The following NKAIN2 variants were observed in gnomAD, a reference collection of about 807,000 sequenced individuals.
NKAIN2 encodes sodium/potassium-transporting ATPase subunit beta-1-interacting protein 2.
Under a neutral mutation model 32.6 loss-of-function variants are expected in NKAIN2, and 14 were observed. The observed-to-expected ratio is 0.43, with a 90% CI of 0.28 to 0.67. The LOEUF (loss-of-function observed/expected upper bound fraction) is 0.67. Ranked by LOEUF, NKAIN2 falls within the 30% of genes least tolerant of loss-of-function variation. The pLI, the probability that NKAIN2 is intolerant of heterozygous loss-of-function variation, is 0.17. For missense variants in NKAIN2, 198 were observed against 258.3 expected (o/e 0.77, Z 1.60); for synonymous variants, 80 against 87.2 (o/e 0.92, Z 0.46).
intron 5 of NKAIN2, among the ~76,000 whole-genome samples, chr6:124,792,407 G>A (rs1779787057): frequency 6.6e-6 from 1 of 152,084 alleles, no homozygotes; most frequent in African/African-American, 2.4e-5. Context: ...AAAATCAGAA[G>A]TATACAGTAT....
At chr6:124,412,868 C>CAATGGCGG (rs1774271882) in intron 3 of NKAIN2, among the ~76,000 whole-genome samples, 1 of 152,166 alleles carries the variant, frequency 6.6e-6, no homozygotes, top group African/African-American at 2.4e-5. Context: ...CAAGCCTGGG[C>CAATGGCGG]AATGGCGGGC....
chr6:124,142,213 A>G (rs78843466), intron 1 of NKAIN2, among the ~76,000 whole-genome samples: 7,061 of 152,184 alleles, frequency 0.046, 253 homozygotes, highest in East Asian at 0.12. Context: ...TTAAACATCA[A>G]TCACCTCTTA....
chr6:124,731,516 A>C (rs1481720246), intron 4 of NKAIN2, among the ~76,000 whole-genome samples: 1 of 131,660 alleles, frequency 7.6e-6, no homozygotes, highest in East Asian at 2.4e-4. Flanking sequence ...CAATGAGATC[A>C]CATGGACACA....
At chr6:124,238,440 T>C (rs1378266787) in intron 1 of NKAIN2, among the ~76,000 whole-genome samples, 1 of 152,098 alleles carries the variant, frequency 6.6e-6, no homozygotes, top group Non-Finnish European at 1.5e-5. Context: ...ATACACTATT[T>C]TTGAAATGTT....
At chr6:124,616,392 T>G (rs986791978) in intron 3 of NKAIN2, among the ~76,000 whole-genome samples, 1 of 148,684 alleles carries the variant, frequency 6.7e-6, no homozygotes, top group African/African-American at 2.5e-5. Flanking sequence ...ATACTACTTT[T>G]GTTTTGTTCT....
chr6:124,591,446 T>C (rs1476766912), intron 3 of NKAIN2, among the ~76,000 whole-genome samples: 2 of 152,012 alleles, frequency 1.3e-5, no homozygotes, highest in African/African-American at 4.8e-5. Flanking sequence ...TTCAAACCAG[T>C]ATGTTCTTTT....
intron 1 of NKAIN2, among the ~76,000 whole-genome samples, chr6:124,056,307 A>G (rs1453604022): frequency 6.6e-6 from 1 of 151,730 alleles, no homozygotes; most frequent in Non-Finnish European, 1.5e-5. Flanking sequence ...TAATAAAGCT[A>G]TATATCTTGC....
At chr6:123,926,229 G>T (rs1050425508) in intron 1 of NKAIN2, among the ~76,000 whole-genome samples, 2 of 152,162 alleles carry the variant, frequency 1.3e-5, no homozygotes, top group African/African-American at 4.8e-5. Context: ...TTTTTGCTCT[G>T]TTCTTCTCAG....
At chr6:123,845,691 T>C (rs144361560) in intron 1 of NKAIN2, among the ~76,000 whole-genome samples, 1 of 152,362 alleles carries the variant, frequency 6.6e-6, no homozygotes, top group East Asian at 1.9e-4. Context: ...GGTCCGACTG[T>C]AGGACTTCAG....
intron 1 of NKAIN2, among the ~76,000 whole-genome samples, chr6:124,017,188 C>G (rs576178016): frequency 8.5e-5 from 13 of 152,226 alleles, no homozygotes; most frequent in African/African-American, 2.9e-4. Context: ...TTTATAAAAT[C>G]ATTAGATCTA....
chr6:124,744,511 AT>A (rs535469312), intron 4 of NKAIN2, among the ~76,000 whole-genome samples: 1 of 150,520 alleles, frequency 6.6e-6, no homozygotes, highest in East Asian at 2.0e-4. Flanking sequence ...GAATCTATTT[AT>A]TTTTTTTTCA....
intron 1 of NKAIN2, among the ~76,000 whole-genome samples, chr6:124,014,564 G>A (rs1010736593): frequency 6.6e-6 from 1 of 151,760 alleles, no homozygotes; most frequent in Non-Finnish European, 1.5e-5. Context: ...TAAACTCATT[G>A]CTTTTACTAT....
At chr6:124,028,709 A>G (rs535520050) in intron 1 of NKAIN2, among the ~76,000 whole-genome samples, 1 of 149,918 alleles carries the variant, frequency 6.7e-6, no homozygotes, top group Non-Finnish European at 1.5e-5. Flanking sequence ...ATACACGTGT[A>G]TATATACGTG....
chr6:124,081,920 T>C (rs1018242952), intron 1 of NKAIN2, among the ~76,000 whole-genome samples: 1 of 152,064 alleles, frequency 6.6e-6, no homozygotes, highest in Non-Finnish European at 1.5e-5. Context: ...GTCTATCCTC[T>C]TCAGTGTCTT....
At chr6:123,977,603 T>C (rs1312297365) in intron 1 of NKAIN2, among the ~76,000 whole-genome samples, 1 of 152,192 alleles carries the variant, frequency 6.6e-6, no homozygotes. Flanking sequence ...AATAATTTCC[T>C]TATTAATTAC....
chr6:123,894,832 G>A (rs1279600057), intron 1 of NKAIN2, among the ~76,000 whole-genome samples: 1 of 152,062 alleles, frequency 6.6e-6, no homozygotes, highest in African/African-American at 2.4e-5. Context: ...CATGGCAACC[G>A]TAGCAGCTCA....
At chr6:124,721,301 G>A (rs1469423153) in intron 4 of NKAIN2, among the ~76,000 whole-genome samples, 1 of 151,558 alleles carries the variant, frequency 6.6e-6, no homozygotes, top group African/African-American at 2.4e-5. Context: ...CTACTCGGGA[G>A]GCTGAGGCAG....
intron 4 of NKAIN2, among the ~76,000 whole-genome samples, chr6:124,666,060 A>G (rs1177032258): frequency 6.6e-6 from 1 of 152,132 alleles, no homozygotes; most frequent in Non-Finnish European, 1.5e-5. Flanking sequence ...CCCTGTTCCC[A>G]TGGTGGTTCA....
At chr6:124,486,314 T>C (rs1386197795) in intron 3 of NKAIN2, among the ~76,000 whole-genome samples, 1 of 152,170 alleles carries the variant, frequency 6.6e-6, no homozygotes, top group African/African-American at 2.4e-5. Flanking sequence ...GGATTGTTTA[T>C]AACATAGAAA....
Sources: allele counts gnomAD v4.1 joint callset (sites outside exome capture counted in the v4.1 genomes callset), GRCh38; gene constraint gnomAD v4.1.1; transcripts MANE v1.5; gene names NCBI Gene and HGNC (gene_info 2026-07-23, HGNC 2026-07-21).